The following PROM2 variants were observed in gnomAD, a reference collection of about 807,000 sequenced individuals.
The protein encoded by PROM2 is prominin 2.
Under a neutral mutation model 110.2 loss-of-function variants are expected in PROM2, and 90 were observed. The ratio of observed to expected loss-of-function variants is 0.82; its 90% CI spans 0.69 to 0.97. The LOEUF (loss-of-function observed/expected upper bound fraction) is 0.97, where lower values mean the gene tolerates loss of function less well. PROM2 is among the 50% of genes least tolerant of loss of function. The pLI is 0.00. For missense variants in PROM2, 1,009 were observed against 1,074.8 expected (o/e 0.94, Z 0.86); for synonymous variants, 470 against 467.8 (o/e 1.00, Z -0.06).
chr2:95,276,145 C>T lies in PROM2; in HGVS notation c.497+13C>T. On this transcript the variant is annotated intron_variant, in intron 3 of 23. Transcript: ENST00000317620. The surrounding 1 kb of genome is among the most constrained non-coding windows in gnomAD (Gnocchi z 4.6). ...CCCTCTTGCTGCTGTAAGGCGCTGC[C>T]CAGGGCCCGGGTAGGGCGGGCTGTG... is the stretch of plus-strand genomic sequence containing the variant. 6.2e-7 allele frequency: 1 copy of T among 1,612,192 alleles called. No homozygotes were observed. Among genetic ancestry groups the T allele is most frequent in the Non-Finnish European group, 8.5e-7 (1 of 1,179,180 alleles).
intron 1 of PROM2, 69 bp downstream of exon 1, chr2:95,274,898 C>T: frequency 6.8e-7 from 1 of 1,480,332 alleles, no homozygotes. Context: ...CTGTCCCACT[C>T]TACCATGGGA....
In PROM2 at chr2:95,288,295, C is replaced by A. The variant is rs1471127698; in HGVS notation, c.2329C>A (p.Pro777Thr). ...GATCCTGTGTGACATGATGGCTGACCCCTGGGTGAGTGCCCCAGCTCATCG... is the reference window on the plus strand; with the variant it reads ...GATCCTGTGTGACATGATGGCTGACACCTGGGTGAGTGCCCCAGCTCATCG... ...RVILCDMMADPWNAFWFCLAW... is the reference protein window; with the variant it reads ...RVILCDMMADTWNAFWFCLAW... The change falls in exon 21 of 24, where the codon CCC (proline) becomes ACC (threonine). Residue 777 changes from proline (P) to threonine (T), a missense_variant. Coordinates refer to ENST00000317620, the MANE Select transcript of PROM2 (RefSeq NM_001165978.3). 1 of 1,614,016 alleles carries A rather than the reference C, an allele frequency of 6.2e-7. No individual in the cohort carries two copies. The highest frequency in any genetic ancestry group is 1.1e-5 in the South Asian group (1 of 91,072).
chr2:95,282,076 CT>C, intron 13 of PROM2, 60 bp downstream of exon 13: 1 of 1,609,246 alleles, frequency 6.2e-7, no homozygotes, highest in Non-Finnish European at 8.5e-7. Flanking sequence ...GCCGGTGTCC[CT>C]CAGGGGACAT....
chr2:95,286,670 C>T, intron 17 of PROM2, 99 bp downstream of exon 17: 1 of 572,306 alleles, frequency 1.7e-6, no homozygotes, highest in East Asian at 2.9e-5. Context: ...CCTTCCCTCC[C>T]CTCCTCTCCC....
chr2:95,285,837 C>T, intron 16 of PROM2, 127 bp downstream of exon 16: 1 of 838,278 alleles, frequency 1.2e-6, no homozygotes, highest in Non-Finnish European at 1.9e-6. Flanking sequence ...GCCTGAGGCT[C>T]CTGACCCCTG....
At position 95,276,086 on chromosome 2, in the gene PROM2, C is replaced by G; in HGVS notation, c.451C>G (p.Arg151Gly). 1 of 1,611,140 alleles carries G rather than the reference C, an allele frequency of 6.2e-7. No individual in the cohort carries two copies. Among genetic ancestry groups the G allele is most frequent in the Non-Finnish European group, 8.5e-7 (1 of 1,179,810 alleles). ...AGAGCACAAGGCGCTGGCCTGTGAG[C>G]GCGCGGCCCTCATGGTCTTCCTGCT... ...KTEHKALACE[R>G]AALMVFLLLT... is the part of the protein sequence containing the mutation. The change falls in exon 3 of 24, where the codon CGC becomes GGC. Residue 151 changes from arginine to glycine, a missense_variant. Coordinates refer to ENST00000317620, the MANE Select transcript of PROM2 (RefSeq NM_001165978.3). The surrounding 1 kb of genome is among the most constrained non-coding windows in gnomAD (Gnocchi z 4.6).
intron 12 of PROM2, 115 bp from the exon 13 acceptor site, chr2:95,281,810 G>A: frequency 1.3e-6 from 1 of 758,162 alleles, no homozygotes; most frequent in Non-Finnish European, 2.3e-6. Flanking sequence ...GTGAGGGGAT[G>A]TTTCCTACCC....
rs1441644891 is a variant in PROM2 at position 95,276,588 on chromosome 2, G to C, written c.619-6G>C. 1.2e-6 allele frequency: 2 copies of C among 1,613,822 alleles called. No individual in the cohort carries two copies. The highest frequency in any genetic ancestry group is 1.7e-6 in the Non-Finnish European group (2 of 1,180,026). On this transcript the variant is annotated splice_region_variant and splice_polypyrimidine_tract_variant and intron_variant, in intron 4 of 23. Transcript: ENST00000317620. This position sits in a 1 kb window ranked among gnomAD's most constrained non-coding sequence, Gnocchi z 4.6. ...AGGGCAGCCTCAGGGCCTTGTGTTTGCCTAGGAGCTGCAGGCCGTGGCACA... is the reference window on the plus strand; with the variant it reads ...AGGGCAGCCTCAGGGCCTTGTGTTTCCCTAGGAGCTGCAGGCCGTGGCACA...
At chr2:95,289,035 T>G in intron 23 of PROM2, 29 bp downstream of exon 23, 4 of 1,013,118 alleles carry the variant, frequency 3.9e-6, no homozygotes, top group Non-Finnish European at 5.9e-6. Flanking sequence ...GCTTAATTGC[T>G]CCCTGCCAGG....
intron 21 of PROM2, 69 bp downstream of exon 21, chr2:95,288,369 G>A (rs1677504043): frequency 1.9e-6 from 3 of 1,586,164 alleles, no homozygotes; most frequent in African/African-American, 1.3e-5. Context: ...AGGGAGGGCC[G>A]GGTGAGCAGG....
rs1573444515 is a variant in PROM2 at position 95,276,163 on chromosome 2, G to A, written c.497+31G>A. The A allele has an allele frequency of 4.3e-6, 7 of 1,611,930 alleles. No homozygotes were observed. Among genetic ancestry groups the A allele is most frequent in the South Asian group, 3.3e-5 (3 of 91,014 alleles). On this transcript the variant is annotated intron_variant, in intron 3 of 23. Coordinates refer to ENST00000317620, the MANE Select transcript of PROM2 (RefSeq NM_001165978.3). The surrounding 1 kb of genome is among the most constrained non-coding windows in gnomAD (Gnocchi z 4.6). The stretch of plus-strand genomic sequence containing the variant: ...GCGCTGCCCAGGGCCCGGGTAGGGC[G>A]GGCTGTGGCCCCCAGGCTCCCTCTT...
At chr2:95,284,712 C>T (rs549110780) in intron 14 of PROM2, among the ~76,000 whole-genome samples, 9 of 152,268 alleles carry the variant, frequency 5.9e-5, no homozygotes, top group East Asian at 1.9e-4. Flanking sequence ...CTTTCAAACA[C>T]GTGAAATAAC....
At chr2:95,289,147 G>T in intron 23 of PROM2, 77 bp from the exon 24 acceptor site, 1 of 686,576 alleles carries the variant, frequency 1.5e-6, no homozygotes, top group South Asian at 1.8e-5. Context: ...ATTGGGTGTG[G>T]CCCATCCAGC....
intron 14 of PROM2, among the ~76,000 whole-genome samples, chr2:95,284,167 C>T (rs1481013741): frequency 6.6e-6 from 1 of 152,160 alleles, no homozygotes; most frequent in Non-Finnish European, 1.5e-5. Context: ...CCCTGAGGGC[C>T]TGCTGTGTGA....
At chr2:95,281,442 GA>G in intron 12 of PROM2, 77 bp downstream of exon 12, 2 of 508,668 alleles carry the variant, frequency 3.9e-6, no homozygotes, top group South Asian at 5.4e-5. Context: ...AGGGTTGGGG[GA>G]AAGTGGGGGT....
chr2:95,278,864 A>G lies in PROM2; in HGVS notation c.1114+80A>G, dbSNP rs185326298. On this transcript the variant is annotated intron_variant, in intron 9 of 23. Transcript: ENST00000317620. ...TACCAGGGAGGCTTGTTGAGAGAGG[A>G]CTGGGGTGGCGGGGGACTGTCTTCC... 8.4e-5 allele frequency: 135 copies of G among 1,606,934 alleles called. 1 individual carries two copies. The East Asian group carries it at 2.9e-3, about 34-fold the overall frequency.
At chr2:95,287,908 T>TATGCATGCACACACATGTGTGC in intron 20 of PROM2, among the ~76,000 whole-genome samples, 1 of 152,298 alleles carries the variant, frequency 6.6e-6, no homozygotes. Flanking sequence ...AGTGTGTGTG[T>TATGCATGCACACACATGTGTGC]ATGCATGCAC....
chr2:95,275,763 T>C lies in PROM2; in HGVS notation c.295-167T>C. ...AACTTCAGCTTCCTCCTGTGTAAGATGGTGATGAGCAGTAAGAATGCGGTC... is the reference window on the plus strand; with the variant it reads ...AACTTCAGCTTCCTCCTGTGTAAGACGGTGATGAGCAGTAAGAATGCGGTC... On this transcript the variant is annotated intron_variant, in intron 2 of 23. Transcript: ENST00000317620. The surrounding 1 kb of genome is among the most constrained non-coding windows in gnomAD (Gnocchi z 4.4). 6.8e-7 allele frequency: 1 copy of C among 1,463,428 alleles called. No homozygotes were observed. The highest frequency in any genetic ancestry group is 9.0e-7 in the Non-Finnish European group (1 of 1,110,562). The allele number at this position is 1,463,428 out of a possible 1,614,324, so 90.7% of individuals were successfully genotyped here.
At chr2:95,289,168 A>G (rs1677557709) in intron 23 of PROM2, 56 bp from the exon 24 acceptor site, 1 of 634,870 alleles carries the variant, frequency 1.6e-6, no homozygotes, top group Non-Finnish European at 2.8e-6. Flanking sequence ...AGTGGGGCTG[A>G]CAGCCCTGTT....
Sources: allele counts gnomAD v4.1 joint callset (sites outside exome capture counted in the v4.1 genomes callset), GRCh38; gene constraint gnomAD v4.1.1; non-coding constraint Gnocchi (gnomAD v3.1); transcripts MANE v1.5; gene names NCBI Gene and HGNC (gene_info 2026-07-23, HGNC 2026-07-21).